The following FBXO17 variants were observed in gnomAD, a reference collection of about 807,000 sequenced individuals.
FBXO17 encodes the protein F-box only protein 17.
A neutral mutation model predicts 34.1 loss-of-function variants in FBXO17; 43 were observed. The ratio of observed to expected loss-of-function variants is 1.26; its 90% CI spans 0.99 to 1.62. The LOEUF (loss-of-function observed/expected upper bound fraction) is 1.62. FBXO17 is among the 40% of genes most tolerant of loss of function. FBXO17 has a pLI of 0.00. For synonymous variants in FBXO17, 169 were observed against 166.0 expected, an observed-to-expected ratio of 1.02 and a Z score of -0.14; for missense variants, 424 against 386.7, an observed-to-expected ratio of 1.10 and a Z score of -0.81.
rs746555827 is a variant in FBXO17, at chr19:38,941,636, A to G, written c.*972T>C. On this transcript the variant is annotated 3_prime_UTR_variant, in exon 6 of 6. Coordinates refer to ENST00000292852, the MANE Select transcript of FBXO17 (RefSeq NM_024907.7). ...CGTTAAGGCACAGATCACTTATGCT[A>G]TGGTTTGTGGTTCAGGAACCCCTTT... is the stretch of plus-strand genomic sequence containing the variant. The G allele has an allele frequency of 6.6e-6, 1 of 152,242 alleles. No individual in the cohort carries two copies. Among genetic ancestry groups the G allele is most frequent in the Non-Finnish European group, 1.5e-5 (1 of 68,048 alleles). The allele number at this position is 152,242 out of a possible 1,614,324, so 9.4% of individuals were successfully genotyped here. A position where few individuals can be genotyped will look rare whatever the true frequency, so the allele number is the denominator to read the frequency against.
rs757745601 is a variant in FBXO17 at position 38,946,565 on chromosome 19, C to T, written c.464G>A (p.Trp155Ter). Residue 155 changes from tryptophan (W) to a stop codon, truncating the protein, a stop_gained and splice_region_variant, in exon 4 of 6, where the codon TGG becomes TAG. Transcript: ENST00000292852. LOFTEE classifies it high-confidence loss of function. The stretch of plus-strand genomic sequence containing the variant: ...GTCCACAAGCTGCCTCTTGGAGCAC[C>T]ATCTGGGAAGGAGAGATGGCAGGGG... ...SQTCFVTSFE[W>*]CSKRQLVDLV... 1 of 1,613,864 alleles carries T rather than the reference C, an allele frequency of 6.2e-7. No individual in the cohort carries two copies. Among genetic ancestry groups the T allele is most frequent in the Non-Finnish European group, 8.5e-7 (1 of 1,179,920 alleles).
At chr19:38,972,057 A>G (rs1975397369) in intron 1 of FBXO17, among the ~76,000 whole-genome samples, 1 of 152,176 alleles carries the variant, frequency 6.6e-6, no homozygotes, top group Non-Finnish European at 1.5e-5. Flanking sequence ...CCCAACAAAG[A>G]AGCAACAGAG....
chr19:38,946,135 GGGC>G (rs1402070370), intron 4 of FBXO17: 8 of 368,180 alleles, frequency 2.2e-5, no homozygotes, highest in Non-Finnish European at 4.0e-5. Flanking sequence ...TCAGCTCACA[GGGC>G]ACCATGCTCC....
chr19:38,955,153 G>A (rs895007922), intron 1 of FBXO17, among the ~76,000 whole-genome samples: 2 of 150,744 alleles, frequency 1.3e-5, no homozygotes, highest in East Asian at 2.0e-4. Flanking sequence ...GGATGGTCTC[G>A]ATCTCCTGAC....
chr19:38,946,412 G>A (rs1568438031), intron 4 of FBXO17, 60 bp downstream of exon 4: 3 of 1,608,878 alleles, frequency 1.9e-6, no homozygotes, highest in East Asian at 2.2e-5. Context: ...ATGAGCCCCT[G>A]TTGCAGAGCC....
intron 4 of FBXO17, 103 bp downstream of exon 4, chr19:38,946,369 C>A: frequency 6.5e-7 from 1 of 1,546,464 alleles, no homozygotes; most frequent in Non-Finnish European, 8.8e-7. Flanking sequence ...TGCACAGTGA[C>A]AGCCGCTACC....
chr19:38,949,703 C>A, intron 2 of FBXO17: 1 of 569,740 alleles, frequency 1.8e-6, no homozygotes, highest in Non-Finnish European at 3.1e-6. Flanking sequence ...TTCTGCATCC[C>A]CTCTGCATAC....
At chr19:38,954,565 G>T (rs572880190) in intron 1 of FBXO17, among the ~76,000 whole-genome samples, 32 of 136,990 alleles carry the variant, frequency 2.3e-4, no homozygotes, top group Middle Eastern at 5.3e-3. Flanking sequence ...CCACTGCGCC[G>T]GGCCGAGAAT....
chr19:38,946,280 G>C, intron 4 of FBXO17, 192 bp downstream of exon 4: 2 of 961,592 alleles, frequency 2.1e-6, no homozygotes, highest in Non-Finnish European at 3.0e-6. Context: ...CAGGAGTGCA[G>C]AGTGGGGGCT....
Position 38,944,955 on chromosome 19 carries a change from T to C in FBXO17, c.693+14A>G. ...TAGCGGGTCGGGGGGAGCTGGAAGCTAGTCTGGACCCACCTGTCGGCAGCC... is the reference window on the plus strand; with the variant it reads ...TAGCGGGTCGGGGGGAGCTGGAAGCCAGTCTGGACCCACCTGTCGGCAGCC... On this transcript the variant is annotated intron_variant, in intron 5 of 5. Coordinates refer to ENST00000292852, the MANE Select transcript of FBXO17 (RefSeq NM_024907.7). The C allele has an allele frequency of 6.2e-7, 1 of 1,613,516 alleles. No homozygotes were observed. Among genetic ancestry groups the C allele is most frequent in the South Asian group, 1.1e-5 (1 of 91,028 alleles).
chr19:38,945,211 C>A (rs1974957704), intron 4 of FBXO17, 107 bp from the exon 5 acceptor site: 1 of 1,452,308 alleles, frequency 6.9e-7, no homozygotes, highest in Middle Eastern at 1.9e-4. Flanking sequence ...TCCTGCACAT[C>A]TGGACCACAT....
At chr19:38,969,159 A>G (rs1975357767) in intron 1 of FBXO17, among the ~76,000 whole-genome samples, 1 of 152,156 alleles carries the variant, frequency 6.6e-6, no homozygotes, top group Non-Finnish European at 1.5e-5. Context: ...ATGTAAAAGC[A>G]AATGTACAGC....
At chr19:38,943,377 G>A (rs901478407) in intron 5 of FBXO17, among the ~76,000 whole-genome samples, 1 of 148,406 alleles carries the variant, frequency 6.7e-6, no homozygotes, top group Admixed American at 6.7e-5. Context: ...AGGTTCAAGC[G>A]ATTCTCCTGT....
intron 1 of FBXO17, among the ~76,000 whole-genome samples, chr19:38,956,348 T>A (rs998618920): frequency 1.3e-5 from 2 of 152,190 alleles, no homozygotes; most frequent in Admixed American, 6.6e-5. Context: ...TTCTTTTTTT[T>A]AAGTAAAACC....
rs912017474 is a variant in FBXO17 at position 38,958,543 on chromosome 19, T to A, written c.-17-8207A>T. On this transcript the variant is annotated intron_variant, in intron 1 of 5. Coordinates refer to ENST00000292852, the MANE Select transcript of FBXO17 (RefSeq NM_024907.7). ...TTGGGAAAGGTTGAAAAGTACCCAC[T>A]GCAAGATTGAATGCCAACTACTAGC... Among the ~76,000 whole-genome samples the A allele has an allele frequency of 2.0e-5, 3 of 152,146 alleles. No homozygotes were observed. The East Asian group carries it at 5.8e-4, about 29-fold the overall frequency.
At chr19:38,964,248 G>T (rs1200693388) in intron 1 of FBXO17, among the ~76,000 whole-genome samples, 2 of 152,116 alleles carry the variant, frequency 1.3e-5, no homozygotes, top group Admixed American at 6.6e-5. Context: ...CCTGGTATTG[G>T]TATTGTCAAT....
chr19:38,974,420 C>G (rs1047672454), intron 1 of FBXO17, among the ~76,000 whole-genome samples: 2 of 151,912 alleles, frequency 1.3e-5, no homozygotes, highest in Admixed American at 6.6e-5. Flanking sequence ...CTTAGCCAAG[C>G]CTTACAAAAA....
intron 1 of FBXO17, among the ~76,000 whole-genome samples, chr19:38,956,641 G>A (rs987919611): frequency 3.3e-5 from 5 of 152,158 alleles, no homozygotes; most frequent in Non-Finnish European, 7.3e-5. Context: ...AGCATTTTGG[G>A]AGGCGGAGGT....
chr19:38,958,734 C>T (rs1975204053), intron 1 of FBXO17, among the ~76,000 whole-genome samples: 1 of 152,122 alleles, frequency 6.6e-6, no homozygotes, highest in African/African-American at 2.4e-5. Context: ...CTGTATTTTT[C>T]AAAAGTGGCT....
Sources: gnomAD v4.1 joint callset for allele counts (sites outside exome capture counted in the v4.1 genomes callset) on GRCh38, gnomAD v4.1.1 for gene constraint, MANE v1.5 for transcripts, NCBI Gene and HGNC (gene_info 2026-07-23, HGNC 2026-07-21) for gene names.